The following DAZAP2 variants were observed in gnomAD, a reference collection of about 807,000 sequenced individuals.
DAZAP2 encodes the protein DAZ associated protein 2, also known as DAZ-associated protein 2.
In DAZAP2, 3 loss-of-function variants were observed where a neutral mutation model predicts 16.2. That is an observed-to-expected ratio of 0.19 (90% confidence interval 0.08 to 0.48). The LOEUF (loss-of-function observed/expected upper bound fraction) is 0.48, where lower values mean the gene tolerates loss of function less well. Among genes scored for constraint, DAZAP2 ranks in the 20% least tolerant of loss-of-function variants. The pLI, the probability that DAZAP2 is intolerant of heterozygous loss-of-function variation, is 0.98. For synonymous variants in DAZAP2, 69 were observed against 77.6 expected, an observed-to-expected ratio of 0.89 and a Z score of 0.58; for missense variants, 172 against 215.9, an observed-to-expected ratio of 0.80 and a Z score of 1.27.
At position 51,243,099 on chromosome 12, in the gene DAZAP2, C is replaced by G; in HGVS notation, c.*641C>G. ...TTTCACAAGGATCCTCTGAAACCCT[C>G]TCTGTGCCCCAAGTACAGATGCCAT... On this transcript the variant is annotated 3_prime_UTR_variant, in exon 4 of 4. Transcript: ENST00000412716. The G allele has an allele frequency of 2.0e-6, 2 of 988,592 alleles. No individual in the cohort carries two copies. Among genetic ancestry groups the G allele is most frequent in the Non-Finnish European group, 2.4e-6 (2 of 832,034 alleles). The allele number at this position is 988,592 out of a possible 1,614,324, so 61.2% of individuals were successfully genotyped here.
At position 51,242,514 on chromosome 12, in the gene DAZAP2, A is replaced by C; in HGVS notation, c.*56A>C. ...ACATCACATACCTTCAGCACTTCTC[A>C]CAATGTAACTGCTTTAGTCATATTA... On this transcript the variant is annotated 3_prime_UTR_variant, in exon 4 of 4. Coordinates refer to ENST00000412716, the MANE Select transcript of DAZAP2 (RefSeq NM_014764.4). 8.7e-6 allele frequency: 14 copies of C among 1,613,412 alleles called. No homozygotes were observed. The highest frequency in any genetic ancestry group is 1.2e-5 in the Non-Finnish European group (14 of 1,179,986).
Position 51,242,384 on chromosome 12 carries a change from G to A in DAZAP2, c.433G>A (p.Ala145Thr), listed in dbSNP as rs566133877. 1 of 1,613,840 alleles carries A rather than the reference G, an allele frequency of 6.2e-7. No homozygotes were observed. Among genetic ancestry groups the A allele is most frequent in the South Asian group, 1.1e-5 (1 of 91,018 alleles). Residue 145 changes from alanine to threonine, a missense_variant, in exon 4 of 4, where the codon GCC becomes ACC. Physicochemically the swap from Ala to Thr is moderately conservative, Grantham distance 58. Coordinates refer to ENST00000412716, the MANE Select transcript of DAZAP2 (RefSeq NM_014764.4). ...NAAQLAVMQG[A>T]NVLVTQRKGN... Reference sequence around the variant, plus strand: ...TGCTCAGCTTGCAGTCATGCAGGGAGCCAACGTCCTCGTAACTCAGCGGAA... The same window carrying A: ...TGCTCAGCTTGCAGTCATGCAGGGAACCAACGTCCTCGTAACTCAGCGGAA...
At chr12:51,240,149 A>G in intron 1 of DAZAP2, 194 bp from the exon 2 acceptor site, 1 of 588,276 alleles carries the variant, frequency 1.7e-6, no homozygotes, top group Non-Finnish European at 3.0e-6. Context: ...TTGTCTCGTT[A>G]GAATCCAGCA....
At chr12:51,245,939 C>A, downstream of DAZAP2, 1 of 1,612,026 alleles carries the variant, frequency 6.2e-7, no homozygotes, top group Non-Finnish European at 8.5e-7. Context: ...GCCTGGGAGT[C>A]ATTAGATGAA....
chr12:51,245,658 G>C (rs1318761996), downstream of DAZAP2: 2 of 361,952 alleles, frequency 5.5e-6, no homozygotes, highest in Admixed American at 4.0e-5. Flanking sequence ...AAGATGACTG[G>C]GCACATACTC....
At chr12:51,246,191 G>A, downstream of DAZAP2, 3 of 1,558,798 alleles carry the variant, frequency 1.9e-6, no homozygotes, top group Non-Finnish European at 2.6e-6. Context: ...GGAGTCATCT[G>A]ATTTAGTCAC....
downstream of DAZAP2, chr12:51,246,285 A>G: frequency 2.1e-6 from 2 of 945,000 alleles, no homozygotes; most frequent in Non-Finnish European, 1.5e-6. Context: ...CCCAATTTCC[A>G]TGGCACATAA....
At chr12:51,241,319 G>C (rs1311795368) in intron 3 of DAZAP2, among the ~76,000 whole-genome samples, 1 of 152,122 alleles carries the variant, frequency 6.6e-6, no homozygotes, top group African/African-American at 2.4e-5. Context: ...GAGTTAACCA[G>C]ATTCTTTTGT....
rs372446812 is a variant in DAZAP2, at chr12:51,241,082, G to T, written c.344G>T (p.Arg115Ile). The T allele has an allele frequency of 8.7e-6, 14 of 1,614,234 alleles. No homozygotes were observed. The highest frequency in any genetic ancestry group is 1.0e-5 in the Non-Finnish European group (12 of 1,180,052). The change falls in exon 3 of 4, where the codon AGA becomes ATA. Residue 115 changes from arginine (R) to isoleucine (I), a missense_variant. Arg to Ile is a moderately conservative substitution (Grantham distance 97). Transcript: ENST00000412716. ...GAAGGAGGGTATGATGCAGGTGCCA[G>T]ATTTGGAGCTGGGGCTACTGCTGGC... ...LVEGGYDAGA[R>I]FGAGATAGNI... is the part of the protein sequence containing the mutation.
intron 1 of DAZAP2, 54 bp downstream of exon 1, chr12:51,238,974 G>C: frequency 6.2e-7 from 1 of 1,606,226 alleles, no homozygotes; most frequent in South Asian, 1.1e-5. Context: ...GGCCCAGAGC[G>C]AGCGGATTCG....
rs1340353423 is a variant in DAZAP2 at position 51,242,546 on chromosome 12, A to C, written c.*88A>C. On this transcript the variant is annotated 3_prime_UTR_variant, in exon 4 of 4. Coordinates refer to ENST00000412716, the MANE Select transcript of DAZAP2 (RefSeq NM_014764.4). ...AACTGCTTTAGTCATATTAACCTGA[A>C]GTTGCAGTTTAGACACATGTTGTTG... is the stretch of plus-strand genomic sequence containing the variant. 6.2e-7 allele frequency: 1 copy of C among 1,613,062 alleles called. No homozygotes were observed.
intron 1 of DAZAP2, 195 bp downstream of exon 1, chr12:51,239,115 T>G: frequency 2.7e-6 from 2 of 743,908 alleles, no homozygotes; most frequent in Admixed American, 3.1e-5. Flanking sequence ...TCCAGGCCCT[T>G]TCCTCCGTAA....
Position 51,239,478 on chromosome 12 carries a change from G to GGA in DAZAP2, c.13+558_13+559insGA, listed in dbSNP as rs1555165820. On this transcript the variant is annotated intron_variant, in intron 1 of 3. Transcript: ENST00000412716. ...AGGTTGAGGGGGTAAAAAAGGAATA[G>GGA]AAAAAAAAAAAAAAAAAAGGCCGAG... 144 of 93,676 alleles carry GGA rather than the reference G, an allele frequency of 1.5e-3. 1 individual carries two copies. Among genetic ancestry groups the GGA allele is most frequent in the African/African-American group, 6.1e-3 (134 of 21,884 alleles). The allele number at this position is 93,676 out of a possible 1,614,324, so 5.8% of individuals were successfully genotyped here.
chr12:51,243,115 C>T lies in DAZAP2; in HGVS notation c.*657C>T. On this transcript the variant is annotated 3_prime_UTR_variant, in exon 4 of 4. Transcript: ENST00000412716. ...TGAAACCCTCTCTGTGCCCCAAGTACAGATGCCATTACTTCTGCTTTCGTA... is the reference window on the plus strand; with the variant it reads ...TGAAACCCTCTCTGTGCCCCAAGTATAGATGCCATTACTTCTGCTTTCGTA... 1 of 987,360 alleles carries T rather than the reference C, an allele frequency of 1.0e-6. No individual in the cohort carries two copies. The highest frequency in any genetic ancestry group is 1.7e-5 in the African/African-American group (1 of 57,332). The allele number at this position is 987,360 out of a possible 1,614,324, so 61.2% of individuals were successfully genotyped here.
intron 3 of DAZAP2, 149 bp downstream of exon 3, chr12:51,241,265 A>C: frequency 7.8e-7 from 1 of 1,276,346 alleles, no homozygotes; most frequent in Admixed American, 2.4e-5. Context: ...AAAGTGTTTG[A>C]GGGGGCAGAA....
chr12:51,239,099 G>C, intron 1 of DAZAP2, 179 bp downstream of exon 1: 1 of 856,522 alleles, frequency 1.2e-6, no homozygotes, highest in Middle Eastern at 3.7e-4. Context: ...ACGGCAGCTT[G>C]CTGCCTCCAG....
intron 1 of DAZAP2, 173 bp downstream of exon 1, chr12:51,239,093 C>A: frequency 1.1e-6 from 1 of 901,694 alleles, no homozygotes; most frequent in Non-Finnish European, 1.6e-6. Flanking sequence ...CAAATTACGG[C>A]AGCTTGCTGC....
intron 2 of DAZAP2, 38 bp from the exon 3 acceptor site, chr12:51,240,833 A>T: frequency 6.2e-7 from 1 of 1,602,002 alleles, no homozygotes; most frequent in Non-Finnish European, 8.5e-7. Context: ...TAGGAATGTC[A>T]TAAAGTAACA....
At position 51,243,497 on chromosome 12, in the gene DAZAP2, G is replaced by A. The variant is rs1051936014; in HGVS notation, c.*1039G>A. On this transcript the variant is annotated 3_prime_UTR_variant, in exon 4 of 4. Transcript: ENST00000412716. The stretch of plus-strand genomic sequence containing the variant: ...TGAATGTCTCACTACAAAATGACTT[G>A]AGTCCAGTGAAATCTCATTAGGGTT... The A allele has an allele frequency of 7.1e-6, 7 of 985,796 alleles. No individual in the cohort carries two copies. In the African/African-American group the frequency reaches 1.2e-4, roughly 17 times the overall value. The allele number at this position is 985,796 out of a possible 1,614,324, so 61.1% of individuals were successfully genotyped here. A position where few individuals can be genotyped will look rare whatever the true frequency, so the allele number is the denominator to read the frequency against.
Sources: gnomAD v4.1 joint callset for allele counts (sites outside exome capture counted in the v4.1 genomes callset) on GRCh38, gnomAD v4.1.1 for gene constraint, MANE v1.5 for transcripts, NCBI Gene and HGNC (gene_info 2026-07-23, HGNC 2026-07-21) for gene names.